IGF1: variants seen among roughly 807,000 people sequenced by gnomAD.
IGF1 encodes the protein insulin like growth factor 1.
Under a neutral mutation model 13.8 loss-of-function variants are expected in IGF1, and 4 were observed. The ratio of observed to expected loss-of-function variants is 0.29; its 90% CI spans 0.14 to 0.66. The LOEUF (loss-of-function observed/expected upper bound fraction) is 0.66. IGF1 is among the 30% of genes least tolerant of loss of function. The pLI, the probability that IGF1 is intolerant of heterozygous loss-of-function variation, is 0.78. For missense variants in IGF1, 124 were observed against 188.5 expected (o/e 0.66, Z 2.00); for synonymous variants, 76 against 72.6 (o/e 1.05, Z -0.23).
intron 2 of IGF1, among the ~76,000 whole-genome samples, chr12:102,448,625 C>T (rs1469371265): frequency 6.9e-6 from 1 of 143,956 alleles, no homozygotes; most frequent in Non-Finnish European, 1.5e-5. Context: ...ACCAGCATGG[C>T]ACATGTATAC....
intron 2 of IGF1, among the ~76,000 whole-genome samples, chr12:102,427,837 G>A (rs1420793647): frequency 6.6e-6 from 1 of 152,162 alleles, no homozygotes; most frequent in African/African-American, 2.4e-5. Context: ...GAGGGAAGGA[G>A]GGAGGGCGAG....
Position 102,401,395 on chromosome 12 carries a change from G to A in IGF1, c.*1112C>T, listed in dbSNP as rs988734291. The stretch of plus-strand genomic sequence containing the variant: ...ATTCCACAGTTTCCTCTCTGGACTC[G>A]CCAGTCCAATTTGCATCAGTGGACT... On this transcript the variant is annotated 3_prime_UTR_variant, in exon 4 of 4. Transcript: ENST00000337514. 1.3e-5 allele frequency: 2 copies of A among 152,496 alleles called. No homozygotes were observed. Among genetic ancestry groups the A allele is most frequent in the Non-Finnish European group, 2.9e-5 (2 of 68,020 alleles). 9.4% of individuals were successfully genotyped at this position (152,496 alleles called of 1,614,324 possible).
In IGF1 at chr12:102,400,281, A is replaced by G. The variant is rs1023758158; in HGVS notation, c.*2226T>C. The G allele has an allele frequency of 6.6e-6, 1 of 152,198 alleles. No homozygotes were observed. The highest frequency in any genetic ancestry group is 1.5e-5 in the Non-Finnish European group (1 of 68,032). The allele number at this position is 152,198 out of a possible 1,614,324, so 9.4% of individuals were successfully genotyped here. A position where few individuals can be genotyped will look rare whatever the true frequency, so the allele number is the denominator to read the frequency against. Reference sequence around the variant, plus strand: ...TCAAGCCTGGGTACTTTTAACCAAAAAGTTCTAAGGTGACTAGAAAGATCT... The same window carrying G: ...TCAAGCCTGGGTACTTTTAACCAAAGAGTTCTAAGGTGACTAGAAAGATCT... On this transcript the variant is annotated 3_prime_UTR_variant, in exon 4 of 4. Coordinates refer to ENST00000337514, the MANE Select transcript of IGF1 (RefSeq NM_000618.5).
intron 2 of IGF1, among the ~76,000 whole-genome samples, chr12:102,435,446 C>T (rs1877144738): frequency 6.6e-6 from 1 of 152,186 alleles, no homozygotes. Context: ...GCCTGTGGTC[C>T]ATAATGTGTA....
At chr12:102,473,734 G>T (rs1422941097) in intron 2 of IGF1, among the ~76,000 whole-genome samples, 1 of 152,132 alleles carries the variant, frequency 6.6e-6, no homozygotes, top group African/African-American at 2.4e-5. Context: ...TTTGATTGTT[G>T]CAGTAACAGA....
intron 1 of IGF1, among the ~76,000 whole-genome samples, chr12:102,479,480 A>C (rs946012058): frequency 6.6e-6 from 1 of 152,178 alleles, no homozygotes; most frequent in African/African-American, 2.4e-5. Flanking sequence ...AGCAATCGGA[A>C]ACGAGAAGTC....
At chr12:102,429,446 T>G (rs1876538949) in intron 2 of IGF1, among the ~76,000 whole-genome samples, 1 of 152,150 alleles carries the variant, frequency 6.6e-6, no homozygotes, top group Admixed American at 6.5e-5. Context: ...TTTTTAGCCA[T>G]TGCACTCCTC....
chr12:102,422,351 G>A lies in IGF1; in HGVS notation c.221-2661C>T, dbSNP rs74419537. ...ATGTTTTTCTTTGTCTACTCATAAT[G>A]TCTACAATGGACTCATTGTACGTCA... On this transcript the variant is annotated intron_variant, in intron 2 of 3. Coordinates refer to ENST00000337514, the MANE Select transcript of IGF1 (RefSeq NM_000618.5). 2.2e-3 allele frequency among the ~76,000 whole-genome samples: 336 copies of A among 152,090 alleles called. 1 individual carries two copies. Among genetic ancestry groups the A allele is most frequent in the African/African-American group, 7.7e-3 (319 of 41,472 alleles).
At chr12:102,411,813 G>T (rs1039831691) in intron 3 of IGF1, among the ~76,000 whole-genome samples, 4 of 152,130 alleles carry the variant, frequency 2.6e-5, no homozygotes, top group African/African-American at 9.7e-5. Context: ...GACCCAATGG[G>T]CATGAAAGCA....
intron 2 of IGF1, among the ~76,000 whole-genome samples, chr12:102,458,730 CAAAAAAA>C (rs397825972): frequency 1.4e-5 from 1 of 73,428 alleles, no homozygotes; most frequent in African/African-American, 5.2e-5. Context: ...GAACACTGAC[CAAAAAAA>C]AAAAAAAAAA....
intron 2 of IGF1, among the ~76,000 whole-genome samples, chr12:102,441,915 C>CCCTCTTCTT (rs1877797121): frequency 1.1e-4 from 13 of 122,140 alleles, no homozygotes; most frequent in African/African-American, 3.7e-4. Flanking sequence ...TGCTTCTTCT[C>CCCTCTTCTT]CTTCTTCTTC....
intron 3 of IGF1, chr12:102,417,672 A>C (rs1037814939): frequency 1.3e-5 from 18 of 1,438,800 alleles, no homozygotes; most frequent in East Asian, 1.0e-4. Flanking sequence ...ATTCTCTAAA[A>C]GGTTACTTCT....
chr12:102,424,156 A>G (rs902988521), intron 2 of IGF1, among the ~76,000 whole-genome samples: 9 of 152,102 alleles, frequency 5.9e-5, no homozygotes, highest in Admixed American at 5.2e-4. Context: ...TTCTTAAGAT[A>G]TACATTTGTT....
Position 102,480,395 on chromosome 12 carries a change from C to A in IGF1, c.-14G>T. 6.2e-7 allele frequency: 1 copy of A among 1,613,282 alleles called. No homozygotes were observed. The highest frequency in any genetic ancestry group is 8.5e-7 in the Non-Finnish European group (1 of 1,179,562). On this transcript the variant is annotated 5_prime_UTR_variant, in exon 1 of 4. Transcript: ENST00000337514. ...GATTTTTCCCATTGCTTCTGAAGTA[C>A]AAAGTCTGAAAATGAATTGGTTAGC... is the stretch of plus-strand genomic sequence containing the variant.
intron 2 of IGF1, among the ~76,000 whole-genome samples, chr12:102,430,738 G>T (rs1404099547): frequency 6.6e-6 from 1 of 152,082 alleles, no homozygotes; most frequent in Admixed American, 6.6e-5. Flanking sequence ...CCTTGCTCTG[G>T]GTCAGGAAGA....
In IGF1 at chr12:102,397,058, C is replaced by T. The variant is rs569070910; in HGVS notation, c.*5449G>A. The stretch of plus-strand genomic sequence containing the variant: ...TCTATTAAAAATCCAAAAAATTAGC[C>T]GGGCATAGTGGTGGGTGCCTGTAAT... On this transcript the variant is annotated 3_prime_UTR_variant, in exon 4 of 4. Transcript: ENST00000337514. The T allele has an allele frequency of 1.1e-3, 394 of 366,040 alleles. 1 individual carries two copies. The East Asian group carries it at 0.014, about 13-fold the overall frequency. 22.7% of individuals were successfully genotyped at this position (366,040 alleles called of 1,614,324 possible). A position where few individuals can be genotyped will look rare whatever the true frequency, so the allele number is the denominator to read the frequency against.
At chr12:102,474,070 C>A (rs770883080) in intron 2 of IGF1, among the ~76,000 whole-genome samples, 14 of 152,140 alleles carry the variant, frequency 9.2e-5, no homozygotes, top group Non-Finnish European at 1.5e-4. Flanking sequence ...TCCCCTTGGG[C>A]ATAATAAGTG....
chr12:102,431,701 G>C (rs1183470450), intron 2 of IGF1, among the ~76,000 whole-genome samples: 1 of 152,078 alleles, frequency 6.6e-6, no homozygotes, highest in African/African-American at 2.4e-5. Context: ...ATTCTTGTGG[G>C]CACATGATGC....
Position 102,402,318 on chromosome 12 carries a change from G to T in IGF1, c.*189C>A. 1 of 611,040 alleles carries T rather than the reference G, an allele frequency of 1.6e-6. No individual in the cohort carries two copies. The highest frequency in any genetic ancestry group is 2.7e-5 in the Admixed American group (1 of 36,714). The allele number at this position is 611,040 out of a possible 1,614,324, so 37.9% of individuals were successfully genotyped here. The stretch of plus-strand genomic sequence containing the variant: ...ATCTACCAACTCCAGGACCATTTTT[G>T]CAAGGTGCAAATCACTCCTAAAGAC... On this transcript the variant is annotated 3_prime_UTR_variant, in exon 4 of 4. Coordinates refer to ENST00000337514, the MANE Select transcript of IGF1 (RefSeq NM_000618.5).
Sources: gnomAD v4.1 joint callset for allele counts (sites outside exome capture counted in the v4.1 genomes callset) on GRCh38, gnomAD v4.1.1 for gene constraint, MANE v1.5 for transcripts, NCBI Gene and HGNC (gene_info 2026-07-23, HGNC 2026-07-21) for gene names.